Variants in LMX1A observed in about 807,000 individuals in gnomAD.
LMX1A encodes the protein LIM homeobox transcription factor 1 alpha.
Under a neutral mutation model 49.1 loss-of-function variants are expected in LMX1A, and 15 were observed. That is an observed-to-expected ratio of 0.31 (90% CI 0.20 to 0.47). The LOEUF is 0.47. Among genes scored for constraint, LMX1A ranks in the 20% least tolerant of loss-of-function variants. LMX1A has a pLI of 1.00. For missense variants in LMX1A, 372 were observed against 475.8 expected, an observed-to-expected ratio of 0.78 and a Z score of 2.03; for synonymous variants, 167 against 185.7, an observed-to-expected ratio of 0.90 and a Z score of 0.82.
At chr1:165,280,750 C>T (rs1469082847) in intron 3 of LMX1A, among the ~76,000 whole-genome samples, 1 of 152,100 alleles carries the variant, frequency 6.6e-6, no homozygotes, top group African/African-American at 2.4e-5. Context: ...TGGAAGCAGA[C>T]TTATATATCT....
chr1:165,329,845 G>A (rs1490994933), intron 3 of LMX1A, among the ~76,000 whole-genome samples: 1 of 152,118 alleles, frequency 6.6e-6, no homozygotes, highest in Non-Finnish European at 1.5e-5. Flanking sequence ...GTTATTATTA[G>A]GCAAATAACT....
intron 3 of LMX1A, among the ~76,000 whole-genome samples, chr1:165,266,595 C>CTTTTTTTTTTTTTTTTTTTT (rs61551654): frequency 7.6e-5 from 6 of 79,182 alleles, no homozygotes; most frequent in African/African-American, 1.0e-4. Context: ...TTCTTTCTTT[C>CTTTTTTTTTTTTTTTTTTTT]TTTTTTTTTT....
intron 3 of LMX1A, among the ~76,000 whole-genome samples, chr1:165,273,982 G>C (rs1258381802): frequency 1.3e-5 from 2 of 152,200 alleles, no homozygotes; most frequent in African/African-American, 4.8e-5. Context: ...CAAGCTGCTA[G>C]ACTACATCAT....
chr1:165,259,426 G>T (rs1653358418), intron 3 of LMX1A, among the ~76,000 whole-genome samples: 1 of 152,208 alleles, frequency 6.6e-6, no homozygotes, highest in African/African-American at 2.4e-5. Flanking sequence ...GCCAACAGTT[G>T]CTATTTGGTT....
chr1:165,333,452 C>A (rs796928797), intron 3 of LMX1A, among the ~76,000 whole-genome samples: 1 of 152,214 alleles, frequency 6.6e-6, no homozygotes, highest in East Asian at 1.9e-4. Flanking sequence ...AGCCACTGTG[C>A]TAGGCCCCCT....
At chr1:165,313,297 C>T (rs911248246) in intron 3 of LMX1A, among the ~76,000 whole-genome samples, 1 of 152,110 alleles carries the variant, frequency 6.6e-6, no homozygotes, top group African/African-American at 2.4e-5. Context: ...AGCTTAATGG[C>T]CTAGCTGATC....
chr1:165,245,490 C>G (rs757008509), intron 4 of LMX1A, among the ~76,000 whole-genome samples: 5 of 151,748 alleles, frequency 3.3e-5, no homozygotes, highest in Admixed American at 1.3e-4. Context: ...CTTATTTTTA[C>G]TTAATATACT....
intron 3 of LMX1A, among the ~76,000 whole-genome samples, chr1:165,266,882 T>C (rs1207877934): frequency 6.6e-6 from 1 of 152,176 alleles, no homozygotes; most frequent in African/African-American, 2.4e-5. Context: ...ATTACAGGCG[T>C]GAGCCACTGT....
intron 3 of LMX1A, among the ~76,000 whole-genome samples, chr1:165,334,350 A>G (rs1655838583): frequency 6.6e-6 from 1 of 152,218 alleles, no homozygotes; most frequent in Admixed American, 6.5e-5. Context: ...TGTTGATGAT[A>G]ATGATGAGTT....
chr1:165,303,099 C>G (rs2101726603), intron 3 of LMX1A, among the ~76,000 whole-genome samples: 1 of 152,282 alleles, frequency 6.6e-6, no homozygotes, highest in Non-Finnish European at 1.5e-5. Context: ...CATAATGAAA[C>G]ACTCAAGACT....
chr1:165,293,541 G>A (rs1654536904), intron 3 of LMX1A, among the ~76,000 whole-genome samples: 1 of 152,212 alleles, frequency 6.6e-6, no homozygotes, highest in African/African-American at 2.4e-5. Context: ...AGAGACCTGA[G>A]AACATTACAC....
chr1:165,226,402 A>G (rs1287119100), intron 4 of LMX1A, among the ~76,000 whole-genome samples: 1 of 152,240 alleles, frequency 6.6e-6, no homozygotes, highest in Non-Finnish European at 1.5e-5. Context: ...ATTCAAAGTC[A>G]TGCATCTCTC....
chr1:165,265,203 CAAAA>C (rs528674072), intron 3 of LMX1A, among the ~76,000 whole-genome samples: 2 of 121,420 alleles, frequency 1.6e-5, no homozygotes, highest in African/African-American at 3.0e-5. Context: ...GACTCTGTCT[CAAAA>C]AAAAAAAAAA....
At chr1:165,216,579 T>C (rs567720498) in intron 4 of LMX1A, among the ~76,000 whole-genome samples, 2 of 152,278 alleles carry the variant, frequency 1.3e-5, no homozygotes, top group Admixed American at 6.5e-5. Flanking sequence ...ATTCCCAGTA[T>C]AGAATATATT....
chr1:165,314,359 C>A (rs1416901015), intron 3 of LMX1A, among the ~76,000 whole-genome samples: 1 of 152,170 alleles, frequency 6.6e-6, no homozygotes, highest in East Asian at 1.9e-4. Context: ...GCAACTTCAC[C>A]TTTATGCTTG....
Position 165,303,372 on chromosome 1 carries a change from C to A in LMX1A, c.263+49704G>T, listed in dbSNP as rs148050444. Among the ~76,000 whole-genome samples, 749 of 152,322 alleles carry A rather than the reference C, an allele frequency of 4.9e-3. 5 individuals are homozygous for A. Among genetic ancestry groups the A allele is most frequent in the African/African-American group, 0.017 (711 of 41,566 alleles). ...ATGGCTCAGAAGTGGCATCTTACTT[C>A]TTCCCAATGTGCTGGGGGCTGGGAA... On this transcript the variant is annotated intron_variant, in intron 3 of 8. Coordinates refer to ENST00000342310, the MANE Select transcript of LMX1A (RefSeq NM_177398.4).
At chr1:165,328,510 C>T (rs1655650312) in intron 3 of LMX1A, among the ~76,000 whole-genome samples, 1 of 152,194 alleles carries the variant, frequency 6.6e-6, no homozygotes, top group African/African-American at 2.4e-5. Context: ...AAAGACTGAA[C>T]TATGTGGTCC....
chr1:165,308,355 G>A (rs1438928078), intron 3 of LMX1A, among the ~76,000 whole-genome samples: 2 of 152,130 alleles, frequency 1.3e-5, no homozygotes, highest in African/African-American at 4.8e-5. Flanking sequence ...AAATGGAAAT[G>A]GTAAGAATTG....
chr1:165,356,139 GC>G (rs1181943942), intron 1 of LMX1A: 1 of 152,390 alleles, frequency 6.6e-6, no homozygotes, highest in Non-Finnish European at 1.5e-5. Context: ...GACTCCTGGC[GC>G]TGCGCTCTGT....
Sources: gnomAD v4.1 joint callset for allele counts (sites outside exome capture counted in the v4.1 genomes callset) on GRCh38, gnomAD v4.1.1 for gene constraint, MANE v1.5 for transcripts, NCBI Gene and HGNC (gene_info 2026-07-23, HGNC 2026-07-21) for gene names.